CENPC: variants seen among roughly 807,000 people sequenced by gnomAD.
CENPC encodes centromere protein C.
A neutral mutation model predicts 112.1 loss-of-function variants in CENPC; 63 were observed. The observed-to-expected ratio is 0.56, with a 90% confidence interval of 0.46 to 0.69. CENPC has a LOEUF of 0.69. CENPC is among the 30% of genes least tolerant of loss of function. The probability of loss-of-function intolerance (pLI) is 0.00; values close to 1 mark genes in which losing one functional copy is unlikely to be tolerated. For missense variants in CENPC, 1,000 were observed against 1,103.8 expected (o/e 0.91, Z 1.33); for synonymous variants, 333 against 367.6 (o/e 0.91, Z 1.08).
intron 5 of CENPC, among the ~76,000 whole-genome samples, chr4:67,523,623 C>T (rs1376687342): frequency 1.3e-5 from 2 of 151,496 alleles, no homozygotes; most frequent in African/African-American, 2.4e-5. Context: ...CAGATAGTTA[C>T]ATTTAAAGAT....
intron 12 of CENPC, among the ~76,000 whole-genome samples, chr4:67,501,355 C>T (rs1470303794): frequency 3.3e-5 from 5 of 152,084 alleles, no homozygotes; most frequent in Admixed American, 1.3e-4. Context: ...GATGGGTGAA[C>T]GTTGTGTGCC....
intron 17 of CENPC, among the ~76,000 whole-genome samples, chr4:67,480,968 T>C (rs984009650): frequency 6.6e-6 from 1 of 152,076 alleles, no homozygotes; most frequent in Non-Finnish European, 1.5e-5. Flanking sequence ...AGGAAAGAAA[T>C]AAAGGGTATC....
chr4:67,477,521 G>C (rs1276810901), intron 17 of CENPC, among the ~76,000 whole-genome samples: 5 of 152,192 alleles, frequency 3.3e-5, no homozygotes, highest in African/African-American at 1.2e-4. Context: ...CCACATCAAG[G>C]GATCACTCCA....
At chr4:67,480,550 A>T (rs1724928683) in intron 17 of CENPC, among the ~76,000 whole-genome samples, 2 of 152,234 alleles carry the variant, frequency 1.3e-5, no homozygotes, top group Admixed American at 1.3e-4. Context: ...GTCCAGGACC[A>T]GATGGATTCA....
chr4:67,519,296 T>C lies in CENPC; in HGVS notation c.538A>G (p.Lys180Glu). The change falls in exon 6 of 19, where the codon AAG becomes GAG. Residue 180 changes from lysine (K) to glutamate (E), a missense_variant. Lys to Glu is a moderately conservative substitution (Grantham distance 56). Transcript: ENST00000273853. Reference protein sequence around the residue: ...SQNVIPSSAQKRETYTFENSV... With the variant: ...SQNVIPSSAQERETYTFENSV... ...TTTTCAAAAGTGTAAGTCTCTCTCT[T>C]TTGGGCACTAGATGGAATAACATTT... 1 of 1,612,140 alleles carries C rather than the reference T, an allele frequency of 6.2e-7. No homozygotes were observed. The highest frequency in any genetic ancestry group is 8.5e-7 in the Non-Finnish European group (1 of 1,178,900).
chr4:67,491,525 A>AGAGAGAGCGAGCGAGC (rs1553893257), intron 16 of CENPC, among the ~76,000 whole-genome samples: 2 of 130,044 alleles, frequency 1.5e-5, no homozygotes, highest in South Asian at 2.5e-4. Context: ...AGAGAGAGAG[A>AGAGAGAGCGAGCGAGC]GAGCCTGGTT....
intron 17 of CENPC, among the ~76,000 whole-genome samples, chr4:67,486,832 A>C (rs1725106096): frequency 6.6e-6 from 1 of 152,164 alleles, no homozygotes; most frequent in Non-Finnish European, 1.5e-5. Context: ...GTTTGTCATA[A>C]AAATCTTCAT....
intron 17 of CENPC, among the ~76,000 whole-genome samples, chr4:67,476,652 G>C (rs1279681649): frequency 1.3e-5 from 2 of 152,202 alleles, no homozygotes; most frequent in African/African-American, 4.8e-5. Flanking sequence ...GATGAAGCGT[G>C]AATTTTCCTG....
At chr4:67,531,460 C>T (rs1185413265) in intron 4 of CENPC, among the ~76,000 whole-genome samples, 2 of 152,188 alleles carry the variant, frequency 1.3e-5, no homozygotes, top group Admixed American at 1.3e-4. Flanking sequence ...GGAGACTTAA[C>T]TTTTAGAATG....
chr4:67,544,275 G>C, intron 1 of CENPC, 80 bp from the exon 2 acceptor site: 1 of 764,366 alleles, frequency 1.3e-6, no homozygotes, highest in Non-Finnish European at 2.3e-6. Flanking sequence ...ACTTCATCCA[G>C]TATGGGCATG....
chr4:67,503,715 GT>G (rs1422001350), intron 12 of CENPC, among the ~76,000 whole-genome samples: 2 of 151,776 alleles, frequency 1.3e-5, no homozygotes, highest in African/African-American at 2.4e-5. Flanking sequence ...ATCCATATCT[GT>G]ATACAAATTA....
chr4:67,525,441 C>A (rs1726347525), intron 5 of CENPC, among the ~76,000 whole-genome samples: 1 of 152,124 alleles, frequency 6.6e-6, no homozygotes, highest in African/African-American at 2.4e-5. Flanking sequence ...TATCCAGAAT[C>A]TACAAGAAAC....
At chr4:67,506,392 G>C (rs1458571829) in intron 11 of CENPC, among the ~76,000 whole-genome samples, 2 of 152,150 alleles carry the variant, frequency 1.3e-5, no homozygotes, top group African/African-American at 2.4e-5. Context: ...ATCCATCATA[G>C]TCACACCTTC....
intron 16 of CENPC, among the ~76,000 whole-genome samples, chr4:67,491,383 G>C (rs946572865): frequency 7.0e-6 from 1 of 143,856 alleles, no homozygotes; most frequent in African/African-American, 2.6e-5. Flanking sequence ...CTCTGATATA[G>C]GACAAACAGC....
chr4:67,491,468 TATATATATATATAGAGAGAGAGAG>T (rs1297426341), intron 16 of CENPC, among the ~76,000 whole-genome samples: 15 of 54,674 alleles, frequency 2.7e-4, no homozygotes, highest in Non-Finnish European at 3.4e-4. Flanking sequence ...TATATATATA[TATATATATATATAGAGAGAGAGAG>T]AGAGAGAGAG....
intron 16 of CENPC, among the ~76,000 whole-genome samples, chr4:67,491,555 C>T (rs1186935874): frequency 8.5e-6 from 1 of 117,656 alleles, no homozygotes; most frequent in Non-Finnish European, 1.7e-5. Context: ...TTGCGTAATC[C>T]ATAAACTCCT....
Position 67,514,079 on chromosome 4 carries a change from G to T in CENPC, c.1439C>A (p.Pro480His). ...NDCVSKKQMPPVGSKKSSTRK... is the reference protein window; with the variant it reads ...NDCVSKKQMPHVGSKKSSTRK... ...TATTTAATATAAACACTTACCCACA[G>T]GTGGCATCTGTTTTTTGGAAACACA... Residue 480 changes from proline (P) to histidine (H), a missense_variant, in exon 8 of 19, where the codon CCT becomes CAT. Pro to His is a moderately conservative substitution (Grantham distance 77). Coordinates refer to ENST00000273853, the MANE Select transcript of CENPC (RefSeq NM_001812.4). The T allele has an allele frequency of 6.3e-7, 1 of 1,590,028 alleles. No individual in the cohort carries two copies.
rs1029064873 is a variant in CENPC, at chr4:67,512,659, G to A, written c.1445-90C>T. 14 of 892,504 alleles carry A rather than the reference G, an allele frequency of 1.6e-5. No individual in the cohort carries two copies. In the Admixed American group the frequency reaches 4.9e-4, roughly 31 times the overall value. The allele number at this position is 892,504 out of a possible 1,614,324, so 55.3% of individuals were successfully genotyped here. On this transcript the variant is annotated intron_variant, in intron 8 of 18. Coordinates refer to ENST00000273853, the MANE Select transcript of CENPC (RefSeq NM_001812.4). ...GATTATAAAAAAACCGTCAATTACAGGAACTTCTTAAATTTATCCTGTGGC... is the reference window on the plus strand; with the variant it reads ...GATTATAAAAAAACCGTCAATTACAAGAACTTCTTAAATTTATCCTGTGGC...
intron 1 of CENPC, among the ~76,000 whole-genome samples, chr4:67,544,742 G>C (rs879402567): frequency 6.6e-6 from 1 of 152,154 alleles, no homozygotes; most frequent in Non-Finnish European, 1.5e-5. Flanking sequence ...TTAACTGATA[G>C]CTGTCTTTCA....
Sources: gnomAD v4.1 joint callset for allele counts (sites outside exome capture counted in the v4.1 genomes callset) on GRCh38, gnomAD v4.1.1 for gene constraint, MANE v1.5 for transcripts, NCBI Gene and HGNC (gene_info 2026-07-23, HGNC 2026-07-21) for gene names.